OTOP2: variants seen among roughly 807,000 people sequenced by gnomAD.
OTOP2 encodes the protein proton channel OTOP2.
OTOP2 carries 41 observed loss-of-function variants against 47.4 expected under a neutral mutation model. That is an observed-to-expected ratio of 0.87 (90% CI 0.67 to 1.12). OTOP2 has a LOEUF of 1.12. OTOP2 is among the 50% of genes most tolerant of loss of function. The pLI is 0.00. For synonymous variants in OTOP2, 328 were observed against 319.6 expected, an observed-to-expected ratio of 1.03 and a Z score of -0.28; for missense variants, 721 against 752.2, an observed-to-expected ratio of 0.96 and a Z score of 0.49.
At position 74,930,450 on chromosome 17, in the gene OTOP2, C is replaced by A; in HGVS notation, c.815C>A (p.Thr272Asn). Residue 272 changes from threonine to asparagine, a missense_variant, in exon 6 of 7, where the codon ACC (threonine) becomes AAC (asparagine). Physicochemically the swap from Thr to Asn is moderately conservative, Grantham distance 65. Coordinates refer to ENST00000331427, the MANE Select transcript of OTOP2 (RefSeq NM_178160.3). The surrounding 1 kb of genome is among the most constrained non-coding windows in gnomAD (Gnocchi z 4.0). Reference sequence around the variant, plus strand: ...AATGTGGGTAGATTCCTGGCCTCCACCCCTGGCCACAGCCACACCCCAACC... The same window carrying A: ...AATGTGGGTAGATTCCTGGCCTCCAACCCTGGCCACAGCCACACCCCAACC... Reference protein sequence around the residue: ...WKNVGRFLASTPGHSHTPTPV... With the variant: ...WKNVGRFLASNPGHSHTPTPV... 1 of 1,614,214 alleles carries A rather than the reference C, an allele frequency of 6.2e-7. No homozygotes were observed. Among genetic ancestry groups the A allele is most frequent in the Non-Finnish European group, 8.5e-7 (1 of 1,180,030 alleles).
At chr17:74,925,729 C>CCA (rs1174567661) in intron 3 of OTOP2, 37 bp downstream of exon 3, 1 of 1,612,092 alleles carries the variant, frequency 6.2e-7, no homozygotes, top group South Asian at 1.1e-5. Context: ...AAGAAAGGAG[C>CCA]TAACACTTGG....
In OTOP2 at chr17:74,924,700, TGTGGAAGAAGG is replaced by T; in HGVS notation, c.73_83del (p.Lys25ProfsTer102). 26 of 1,602,328 alleles carry T rather than the reference TGTGGAAGAAGG, an allele frequency of 1.6e-5. No individual in the cohort carries two copies. Among genetic ancestry groups the T allele is most frequent in the Non-Finnish European group, 2.2e-5 (26 of 1,176,066 alleles). On this transcript the variant is annotated frameshift_variant, in exon 2 of 7. Coordinates refer to ENST00000331427, the MANE Select transcript of OTOP2 (RefSeq NM_178160.3). LOFTEE classifies it high-confidence loss of function. The surrounding 1 kb of genome is among the most constrained non-coding windows in gnomAD (Gnocchi z 7.7). ...GCGCCGCGTGCGGGCCCCAGGGAGG[TGTGGAAGAAGG>T]GTGGCCGCCTGCTGTCGGTGCTGCT...
In OTOP2 at chr17:74,931,172, A is replaced by C; in HGVS notation, c.1518+19A>C. 3 of 1,562,776 alleles carry C rather than the reference A, an allele frequency of 1.9e-6. No homozygotes were observed. Among genetic ancestry groups the C allele is most frequent in the Non-Finnish European group, 2.6e-6 (3 of 1,151,842 alleles). ...TGTCATTGTGAGTAGCTGGGGGGAG[A>C]AAGGGTGGGCTTGGGAGAAGAGACT... On this transcript the variant is annotated intron_variant, in intron 6 of 6. Transcript: ENST00000331427.
Position 74,924,919 on chromosome 17 carries a change from C to T in OTOP2, c.287C>T (p.Ala96Val), listed in dbSNP as rs2038992056. 1 of 1,577,116 alleles carries T rather than the reference C, an allele frequency of 6.3e-7. No individual in the cohort carries two copies. Among genetic ancestry groups the T allele is most frequent in the Non-Finnish European group, 8.6e-7 (1 of 1,161,224 alleles). The change falls in exon 2 of 7, where the codon GCG becomes GTG. Residue 96 changes from alanine to valine, a missense_variant. Coordinates refer to ENST00000331427, the MANE Select transcript of OTOP2 (RefSeq NM_178160.3). This position sits in a 1 kb window ranked among gnomAD's most constrained non-coding sequence, Gnocchi z 7.7. ...RCPCAVPYRDAHAGPIWLRGG... is the reference protein window; with the variant it reads ...RCPCAVPYRDVHAGPIWLRGG... The stretch of plus-strand genomic sequence containing the variant: ...CCCTGCGCGGTACCCTACCGGGACG[C>T]GCACGCTGGCCCCATCTGGCTCCGA...
intron 5 of OTOP2, among the ~76,000 whole-genome samples, chr17:74,929,469 AG>A (rs1462378574): frequency 1.3e-5 from 2 of 152,116 alleles, no homozygotes; most frequent in Non-Finnish European, 2.9e-5. Flanking sequence ...TCTGTCACCC[AG>A]GCTGGAGTGC....
intron 5 of OTOP2, among the ~76,000 whole-genome samples, chr17:74,929,416 TTTTGTTTGTTTG>T (rs201281669): frequency 1.3e-4 from 20 of 152,020 alleles, no homozygotes; most frequent in Middle Eastern, 3.4e-3. Flanking sequence ...TGTTTTGTTT[TTTTGTTTGTTTG>T]TTTGTTTGTT....
intron 5 of OTOP2, among the ~76,000 whole-genome samples, chr17:74,928,772 C>A (rs1033345058): frequency 6.6e-6 from 1 of 152,222 alleles, no homozygotes; most frequent in Non-Finnish European, 1.5e-5. Flanking sequence ...CTCTGGACTT[C>A]TCTAGGGTCC....
intron 6 of OTOP2, among the ~76,000 whole-genome samples, chr17:74,932,349 G>GT (rs1567946315): frequency 6.6e-6 from 1 of 152,104 alleles, no homozygotes; most frequent in African/African-American, 2.4e-5. Context: ...AGGTACACCA[G>GT]TGGCCCTAAC....
At position 74,930,831 on chromosome 17, in the gene OTOP2, T is replaced by A. The variant is rs762271746; in HGVS notation, c.1196T>A (p.Leu399Gln). Reference protein sequence around the residue: ...AVVAGTPQDLLAGLNLTHALL... With the variant: ...AVVAGTPQDLQAGLNLTHALL... Reference sequence around the variant, plus strand: ...GTGGCGGGCACACCCCAGGACCTGCTGGCAGGGCTCAACCTCACCCATGCA... The same window carrying A: ...GTGGCGGGCACACCCCAGGACCTGCAGGCAGGGCTCAACCTCACCCATGCA... The change falls in exon 6 of 7, where the codon CTG becomes CAG. Residue 399 changes from leucine (L) to glutamine (Q), a missense_variant. Physicochemically the swap from Leu to Gln is moderately radical, Grantham distance 113. Transcript: ENST00000331427. This position sits in a 1 kb window ranked among gnomAD's most constrained non-coding sequence, Gnocchi z 4.0. The A allele has an allele frequency of 1.9e-6, 3 of 1,614,122 alleles. No homozygotes were observed. Among genetic ancestry groups the A allele is most frequent in the Non-Finnish European group, 2.5e-6 (3 of 1,180,022 alleles).
At position 74,930,477 on chromosome 17, in the gene OTOP2, CT is replaced by C; in HGVS notation, c.843del (p.Val282SerfsTer33). Reference sequence around the variant, plus strand: ...CCTGGCCACAGCCACACCCCAACCCCTGTCAGCCTCTTCCGGGAGACCTTTT... The same window carrying C: ...CCTGGCCACAGCCACACCCCAACCCCGTCAGCCTCTTCCGGGAGACCTTTT... ...STPGHSHTPT[P>X]VSLFRETFFA... On this transcript the variant is annotated frameshift_variant, in exon 6 of 7. Transcript: ENST00000331427. LOFTEE classifies it high-confidence loss of function. This position sits in a 1 kb window ranked among gnomAD's most constrained non-coding sequence, Gnocchi z 4.0. 3 of 1,613,952 alleles carry C rather than the reference CT, an allele frequency of 1.9e-6. No homozygotes were observed. The South Asian group carries it at 3.3e-5, about 18-fold the overall frequency.
rs2039001252 is a variant in OTOP2, at chr17:74,925,705, G to C, written c.450+13G>C. 5.0e-6 allele frequency: 8 copies of C among 1,613,960 alleles called. No homozygotes were observed. In the East Asian group the frequency reaches 1.8e-4, roughly 36 times the overall value. On this transcript the variant is annotated intron_variant, in intron 3 of 6. Transcript: ENST00000331427. ...TGTCATCATCCAGGTGGGTGGAGGAGTGTCGCTGTGTGGAAGAAAGGAGCT... is the reference window on the plus strand; with the variant it reads ...TGTCATCATCCAGGTGGGTGGAGGACTGTCGCTGTGTGGAAGAAAGGAGCT...
Position 74,924,688 on chromosome 17 carries a change from GC to G in OTOP2, c.60del (p.Arg21GlyfsTer17). 2 of 1,599,878 alleles carry G rather than the reference GC, an allele frequency of 1.3e-6. No individual in the cohort carries two copies. Among genetic ancestry groups the G allele is most frequent in the Non-Finnish European group, 8.5e-7 (1 of 1,175,298 alleles). Reference sequence around the variant, plus strand: ...GAGAGCCCCCCGGCGCCGCGTGCGGGCCCCAGGGAGGTGTGGAAGAAGGGTG... The same window carrying G: ...GAGAGCCCCCCGGCGCCGCGTGCGGGCCCAGGGAGGTGTGGAAGAAGGGTG... ...PKESPPAPRA[G>X]PREVWKKGGR... On this transcript the variant is annotated frameshift_variant, in exon 2 of 7. Coordinates refer to ENST00000331427, the MANE Select transcript of OTOP2 (RefSeq NM_178160.3). LOFTEE classifies it high-confidence loss of function. This position sits in a 1 kb window ranked among gnomAD's most constrained non-coding sequence, Gnocchi z 7.7.
chr17:74,930,951 C>A lies in OTOP2; in HGVS notation c.1316C>A (p.Pro439His). The change falls in exon 6 of 7, where the codon CCC (proline) becomes CAC (histidine). Residue 439 changes from proline (P) to histidine (H), a missense_variant. Transcript: ENST00000331427. The surrounding 1 kb of genome is among the most constrained non-coding windows in gnomAD (Gnocchi z 4.0). ...GGGGCTGAGCCTCACAGTACCCACC[C>A]CAAGGAGCCCTGCCAAGACCTCACC... ...PPGAEPHSTH[P>H]KEPCQDLTFT... 1 of 1,614,084 alleles carries A rather than the reference C, an allele frequency of 6.2e-7. No homozygotes were observed. The highest frequency in any genetic ancestry group is 1.1e-5 in the South Asian group (1 of 91,074).
chr17:74,930,529 G>A lies in OTOP2; in HGVS notation c.894G>A (p.Leu298=). The stretch of plus-strand genomic sequence containing the variant: ...TTGCTGGCCCGGTTCTGGGCCTGCT[G>A]CTCTTCGTGGTGGGGCTGGCTGTCT... The part of the protein sequence containing the change: ...TFFAGPVLGL[L]LFVVGLAVFI... Residue 298 remains leucine, a synonymous_variant, in exon 6 of 7, where the codon CTG becomes CTA. Transcript: ENST00000331427. The surrounding 1 kb of genome is among the most constrained non-coding windows in gnomAD (Gnocchi z 4.0). The A allele has an allele frequency of 6.2e-7, 1 of 1,612,954 alleles. No homozygotes were observed. Among genetic ancestry groups the A allele is most frequent in the Middle Eastern group, 1.7e-4 (1 of 6,056 alleles).
In OTOP2 at chr17:74,924,276, G is replaced by A. The variant is rs2038982024; in HGVS notation, c.-91G>A. 3.3e-6 allele frequency: 1 copy of A among 300,240 alleles called. No individual in the cohort carries two copies. Among genetic ancestry groups the A allele is most frequent in the Non-Finnish European group, 6.2e-6 (1 of 161,658 alleles). The allele number at this position is 300,240 out of a possible 1,614,324, so 18.6% of individuals were successfully genotyped here. A position where few individuals can be genotyped will look rare whatever the true frequency, so the allele number is the denominator to read the frequency against. ...CGCCTGTCCATCTCGGCGTGGGAGA[G>A]AGGAGACGCTCGCCGTCCCCTGACC... On this transcript the variant is annotated 5_prime_UTR_variant, in exon 1 of 7. Transcript: ENST00000331427. The surrounding 1 kb of genome is among the most constrained non-coding windows in gnomAD (Gnocchi z 7.7).
chr17:74,927,925 C>T (rs930601394), intron 5 of OTOP2, 127 bp downstream of exon 5: 1 of 1,279,968 alleles, frequency 7.8e-7, no homozygotes, highest in Non-Finnish European at 1.1e-6. Context: ...CAGGGTCCTC[C>T]TCCTGTTGCA....
intron 3 of OTOP2, among the ~76,000 whole-genome samples, chr17:74,926,737 T>G (rs1035233544): frequency 6.6e-6 from 1 of 151,478 alleles, no homozygotes; most frequent in Non-Finnish European, 1.5e-5. Flanking sequence ...CCCCACCTAA[T>G]TTTTTTTTCT....
chr17:74,927,313 CGTGCTG>C, intron 4 of OTOP2, 32 bp downstream of exon 4: 2 of 1,592,178 alleles, frequency 1.3e-6, no homozygotes, highest in Non-Finnish European at 1.7e-6. Flanking sequence ...CTGTACCCAG[CGTGCTG>C]GTGTTCACCT....
At chr17:74,927,951 G>T in intron 5 of OTOP2, 153 bp downstream of exon 5, 1 of 1,060,900 alleles carries the variant, frequency 9.4e-7, no homozygotes, top group Non-Finnish European at 1.3e-6. Flanking sequence ...TACCTCTGCA[G>T]TATAGGTGTA....
Sources: allele counts gnomAD v4.1 joint callset (sites outside exome capture counted in the v4.1 genomes callset), GRCh38; gene constraint gnomAD v4.1.1; non-coding constraint Gnocchi (gnomAD v3.1); transcripts MANE v1.5; gene names NCBI Gene and HGNC (gene_info 2026-07-23, HGNC 2026-07-21).